Variants in JCAD observed in about 807,000 individuals in gnomAD.
The protein encoded by JCAD is junctional cadherin 5 associated, also known as junctional cadherin 5-associated protein.
A neutral mutation model predicts 98.0 loss-of-function variants in JCAD; 40 were observed. The observed-to-expected ratio is 0.41, with a 90% CI of 0.32 to 0.53. JCAD has a LOEUF of 0.53. Ranked by LOEUF, JCAD falls within the 20% of genes least tolerant of loss-of-function variation. The pLI, the probability that JCAD is intolerant of heterozygous loss-of-function variation, is 0.31. For synonymous variants in JCAD, 691 were observed against 682.3 expected, an observed-to-expected ratio of 1.01 and a Z score of -0.20; for missense variants, 1,705 against 1,738.1, an observed-to-expected ratio of 0.98 and a Z score of 0.34.
chr10:30,018,573 A>G (rs1836588304), intron 3 of JCAD, among the ~76,000 whole-genome samples: 1 of 152,098 alleles, frequency 6.6e-6, no homozygotes, highest in Non-Finnish European at 1.5e-5. Flanking sequence ...TCAATGGAAA[A>G]ATCCCAATCT....
chr10:30,050,055 C>T (rs534591223), intron 1 of JCAD, among the ~76,000 whole-genome samples: 9 of 151,868 alleles, frequency 5.9e-5, no homozygotes, highest in Non-Finnish European at 1.3e-4. Context: ...GTGGCTCGCA[C>T]CTATAATCCC....
At chr10:30,054,252 A>C in intron 1 of JCAD, among the ~76,000 whole-genome samples, 1 of 152,234 alleles carries the variant, frequency 6.6e-6, no homozygotes, top group Middle Eastern at 3.2e-3. Context: ...AAAGGGGAAA[A>C]AACACTGAAA....
chr10:30,026,043 T>C, intron 3 of JCAD, 60 bp downstream of exon 3: 1 of 1,594,052 alleles, frequency 6.3e-7, no homozygotes, highest in Non-Finnish European at 8.6e-7. Context: ...CCTGGTATTT[T>C]GTACTGACTA....
intron 1 of JCAD, among the ~76,000 whole-genome samples, chr10:30,110,571 C>A (rs1011926811): frequency 6.6e-6 from 1 of 151,532 alleles, no homozygotes; most frequent in Non-Finnish European, 1.5e-5. Flanking sequence ...GATGTATAGG[C>A]CAGTTGACAT....
chr10:30,115,117 C>T (rs888569502), intron 1 of JCAD, among the ~76,000 whole-genome samples: 6 of 152,160 alleles, frequency 3.9e-5, no homozygotes, highest in African/African-American at 1.2e-4. Flanking sequence ...AAATGCGATG[C>T]GGCGACTCCA....
intron 3 of JCAD, among the ~76,000 whole-genome samples, chr10:30,023,902 A>G (rs939157395): frequency 1.3e-5 from 2 of 152,168 alleles, no homozygotes; most frequent in Non-Finnish European, 2.9e-5. Context: ...TGTGTTATCA[A>G]ATACTCCCTA....
intron 1 of JCAD, among the ~76,000 whole-genome samples, chr10:30,057,454 G>T (rs1589698426): frequency 6.6e-6 from 1 of 151,898 alleles, no homozygotes; most frequent in South Asian, 2.1e-4. Context: ...TATAGCTGCC[G>T]AACAATAGAC....
In JCAD at chr10:30,047,678, G is replaced by T. The variant is rs1028336545; in HGVS notation, c.135C>A (p.Asn45Lys). 2 of 1,614,206 alleles carry T rather than the reference G, an allele frequency of 1.2e-6. No homozygotes were observed. Among genetic ancestry groups the T allele is most frequent in the African/African-American group, 1.3e-5 (1 of 75,068 alleles). ...TGTRAGQGLQ[N>K]GHEDGPAALA... is the part of the protein sequence containing the mutation. The stretch of plus-strand genomic sequence containing the variant: ...GGGCCGCAGGGCCATCCTCATGCCC[G>T]TTCTGCAGGCCCTGGCCTGCTCGTG... The change falls in exon 2 of 4, where the codon AAC (asparagine) becomes AAA (lysine). Residue 45 changes from asparagine to lysine, a missense_variant. By Grantham distance (94) the Asn-to-Lys change is moderately conservative (BLOSUM62 0). This residue lies in a region of JCAD where 152 missense variants were observed against 148.0 expected (regional missense o/e 1.03). Transcript: ENST00000375377.
chr10:30,109,296 C>A (rs1838646071), intron 1 of JCAD, among the ~76,000 whole-genome samples: 1 of 152,176 alleles, frequency 6.6e-6, no homozygotes. Context: ...CATGTCTAGG[C>A]TTGGTTCATT....
chr10:30,106,716 G>T (rs2132715156), intron 1 of JCAD, among the ~76,000 whole-genome samples: 1 of 152,262 alleles, frequency 6.6e-6, no homozygotes. Flanking sequence ...GGCCAGGCTG[G>T]TCTTGAACTC....
chr10:30,053,350 C>A (rs905178158), intron 1 of JCAD, among the ~76,000 whole-genome samples: 20 of 152,096 alleles, frequency 1.3e-4, no homozygotes, highest in African/African-American at 3.9e-4. Flanking sequence ...CACTTGAGGT[C>A]AGGAGTTAGA....
intron 1 of JCAD, among the ~76,000 whole-genome samples, chr10:30,084,831 G>A (rs371665350): frequency 2.3e-5 from 3 of 129,062 alleles, no homozygotes; most frequent in Admixed American, 1.6e-4. Context: ...CTATCTATCT[G>A]TGTATCTATC....
chr10:30,056,424 G>A (rs1050837045), intron 1 of JCAD, among the ~76,000 whole-genome samples: 5 of 151,972 alleles, frequency 3.3e-5, no homozygotes, highest in African/African-American at 1.2e-4. Flanking sequence ...AAAAGGAAAA[G>A]TTCCTAGTAA....
chr10:30,023,577 A>G (rs2132607018), intron 3 of JCAD, among the ~76,000 whole-genome samples: 1 of 152,342 alleles, frequency 6.6e-6, no homozygotes, highest in South Asian at 2.1e-4. Flanking sequence ...AGCCCCATTA[A>G]GCGACGCATG....
intron 3 of JCAD, among the ~76,000 whole-genome samples, chr10:30,022,045 G>A (rs1450828161): frequency 6.6e-6 from 1 of 152,164 alleles, no homozygotes; most frequent in Non-Finnish European, 1.5e-5. Flanking sequence ...GGAACCAGGA[G>A]GTTCTGTGTA....
Position 30,026,921 on chromosome 10 carries a change from AT to A in JCAD, c.3226del (p.Ile1076SerfsTer85). ...GGCTTGCAAGGACTCACCTGGGGGGATTTCTATTGTGCTTGCTTCACCCAAA... is the reference window on the plus strand; with the variant it reads ...GGCTTGCAAGGACTCACCTGGGGGGATTCTATTGTGCTTGCTTCACCCAAA... ...GSLGEASTIE[I>X]PPGESLQARA... is the part of the protein sequence containing the mutation. On this transcript the variant is annotated frameshift_variant, in exon 3 of 4. Coordinates refer to ENST00000375377, the MANE Select transcript of JCAD (RefSeq NM_020848.4). LOFTEE classifies it high-confidence loss of function. 1 of 1,613,654 alleles carries A rather than the reference AT, an allele frequency of 6.2e-7. No individual in the cohort carries two copies. The highest frequency in any genetic ancestry group is 8.5e-7 in the Non-Finnish European group (1 of 1,179,922).
chr10:30,028,991 G>A lies in JCAD; in HGVS notation c.1157C>T (p.Pro386Leu). The A allele has an allele frequency of 6.2e-7, 1 of 1,614,040 alleles. No individual in the cohort carries two copies. The highest frequency in any genetic ancestry group is 8.5e-7 in the Non-Finnish European group (1 of 1,180,030). ...PTEKAGASGQ[P>L]PSGPPGTGNE... Reference sequence around the variant, plus strand: ...CCCAGTTCCAGGGGGGCCTGAAGGAGGCTGACCGCTGGCCCCAGCCTTCTC... The same window carrying A: ...CCCAGTTCCAGGGGGGCCTGAAGGAAGCTGACCGCTGGCCCCAGCCTTCTC... The change falls in exon 3 of 4, where the codon CCT (proline) becomes CTT (leucine). Residue 386 changes from proline (P) to leucine (L), a missense_variant. Physicochemically the swap from Pro to Leu is moderately conservative, Grantham distance 98. This residue lies in a region of JCAD where 1,278 missense variants were observed against 1,243.1 expected (regional missense o/e 1.03). Coordinates refer to ENST00000375377, the MANE Select transcript of JCAD (RefSeq NM_020848.4).
rs375049840 is a variant in JCAD at position 30,027,064 on chromosome 10, C to G, written c.3084G>C (p.Arg1028Ser). 1.2e-4 allele frequency: 197 copies of G among 1,614,220 alleles called. No homozygotes were observed. The highest frequency in any genetic ancestry group is 2.9e-4 in the African/African-American group (22 of 75,068). ...VPRKFDSGGERGAGLPLSLSN... is the reference protein window; with the variant it reads ...VPRKFDSGGESGAGLPLSLSN... ...ACAGGGACAGTGGGAGCCCTGCCCC[C>G]CTCTCTCCACCACTGTCAAACTTCC... The change falls in exon 3 of 4, where the codon AGG becomes AGC. Residue 1028 changes from arginine (R) to serine (S), a missense_variant. Physicochemically the swap from Arg to Ser is moderately radical, Grantham distance 110. Around this residue, in one of 3 missense-constraint regions of JCAD, gnomAD observed 1,278 missense variants for 1,243.1 expected, o/e 1.03. Transcript: ENST00000375377.
intron 1 of JCAD, among the ~76,000 whole-genome samples, chr10:30,086,815 C>T (rs935851381): frequency 4.6e-5 from 7 of 152,212 alleles, no homozygotes; most frequent in African/African-American, 1.7e-4. Flanking sequence ...TTAGATCAGA[C>T]TGAGAAGTCA....
Sources: gnomAD v4.1 joint callset for allele counts (sites outside exome capture counted in the v4.1 genomes callset) on GRCh38, gnomAD v4.1.1 for gene constraint, gnomAD v4.1.1 regional missense constraint, MANE v1.5 for transcripts, NCBI Gene and HGNC (gene_info 2026-07-23, HGNC 2026-07-21) for gene names.